MAFB: variants seen among roughly 807,000 people sequenced by gnomAD.
MAFB encodes transcription factor MafB.
Under a neutral mutation model 17.7 loss-of-function variants are expected in MAFB, and 3 were observed. The ratio of observed to expected loss-of-function variants is 0.17; its 90% confidence interval spans 0.08 to 0.44. MAFB has a LOEUF of 0.44. Among genes scored for constraint, MAFB ranks in the 20% least tolerant of loss-of-function variants. MAFB has a pLI of 0.99. For missense variants in MAFB, 355 were observed against 461.3 expected, an observed-to-expected ratio of 0.77 and a Z score of 2.11; for synonymous variants, 214 against 211.5, an observed-to-expected ratio of 1.01 and a Z score of -0.10.
Position 40,687,972 on chromosome 20 carries a change from G to A in MAFB, c.879C>T (p.Ala293=). The part of the protein sequence containing the change: ...EVSRLARERD[A]YKVKCEKLAN... Reference sequence around the variant, plus strand: ...CGAGTTTCTCGCACTTGACCTTGTAGGCGTCTCTCTCGCGGGCCAGCCGGG... The same window carrying A: ...CGAGTTTCTCGCACTTGACCTTGTAAGCGTCTCTCTCGCGGGCCAGCCGGG... The change falls in exon 1 of 1, where the codon GCC becomes GCT. Residue 293 remains alanine, a synonymous_variant. Coordinates refer to ENST00000373313, the MANE Select transcript of MAFB (RefSeq NM_005461.5). 6.2e-7 allele frequency: 1 copy of A among 1,614,100 alleles called. No individual in the cohort carries two copies.
In MAFB at chr20:40,688,885, G is replaced by A. The variant is rs1302621194; in HGVS notation, c.-35C>T. ...GAGGCGCAGCCGCCGCTGCCGCCCG[G>A]GAAACTTTGCGGCCGGCCGGAGCGC... is the stretch of plus-strand genomic sequence containing the variant. On this transcript the variant is annotated 5_prime_UTR_variant, in exon 1 of 1. Transcript: ENST00000373313. 1.6e-5 allele frequency: 25 copies of A among 1,566,018 alleles called. No individual in the cohort carries two copies. Among genetic ancestry groups the A allele is most frequent in the Non-Finnish European group, 2.2e-5 (25 of 1,159,414 alleles).
rs1427870463 is a variant in MAFB at position 40,685,909 on chromosome 20, C to T, written c.*1970G>A. 1 of 183,096 alleles carries T rather than the reference C, an allele frequency of 5.5e-6. No homozygotes were observed. Among genetic ancestry groups the T allele is most frequent in the Non-Finnish European group, 1.2e-5 (1 of 85,872 alleles). 11.3% of individuals were successfully genotyped at this position (183,096 alleles called of 1,614,324 possible). On this transcript the variant is annotated 3_prime_UTR_variant, in exon 1 of 1. Transcript: ENST00000373313. ...GCAAAATAGGAAACCATTTTAATAA[C>T]CAAAAAACAGAAACCAGTCTGAATA...
chr20:40,687,620 C>T lies in MAFB; in HGVS notation c.*259G>A. 1 of 581,594 alleles carries T rather than the reference C, an allele frequency of 1.7e-6. No homozygotes were observed. The highest frequency in any genetic ancestry group is 2.8e-5 in the East Asian group (1 of 35,414). 36.0% of individuals were successfully genotyped at this position (581,594 alleles called of 1,614,324 possible). ...AGAAGTTACTCCGGGACCTCCCACC[C>T]TCTCGTCTCTCTCTCCGGCTCTGCT... On this transcript the variant is annotated 3_prime_UTR_variant, in exon 1 of 1. Coordinates refer to ENST00000373313, the MANE Select transcript of MAFB (RefSeq NM_005461.5).
At position 40,688,479 on chromosome 20, in the gene MAFB, G is replaced by T; in HGVS notation, c.372C>A (p.Phe124Leu). 1.2e-6 allele frequency: 2 copies of T among 1,610,156 alleles called. No homozygotes were observed. Among genetic ancestry groups the T allele is most frequent in the Non-Finnish European group, 1.7e-6 (2 of 1,179,504 alleles). ...SHPVPQPLQS[F>L]DSFRGAHHHH... Reference sequence around the variant, plus strand: ...GGTGGTGAGCGCCGCGAAAGCTGTCGAAGCTTTGCAGCGGCTGTGGCACTG... The same window carrying T: ...GGTGGTGAGCGCCGCGAAAGCTGTCTAAGCTTTGCAGCGGCTGTGGCACTG... Residue 124 changes from phenylalanine (F) to leucine (L), a missense_variant, in exon 1 of 1, where the codon TTC becomes TTA. Phe to Leu is a conservative substitution (Grantham distance 22, BLOSUM62 0). This residue lies in a region of MAFB where 285 missense variants were observed against 350.0 expected (regional missense o/e 0.81). Transcript: ENST00000373313.
Position 40,686,365 on chromosome 20 carries a change from G to A in MAFB, c.*1514C>T, listed in dbSNP as rs949527199. The A allele has an allele frequency of 3.8e-6, 1 of 265,492 alleles. No homozygotes were observed. Among genetic ancestry groups the A allele is most frequent in the African/African-American group, 2.2e-5 (1 of 46,358 alleles). The allele number at this position is 265,492 out of a possible 1,614,324, so 16.4% of individuals were successfully genotyped here. A position where few individuals can be genotyped will look rare whatever the true frequency, so the allele number is the denominator to read the frequency against. On this transcript the variant is annotated 3_prime_UTR_variant, in exon 1 of 1. Transcript: ENST00000373313. ...TACAACTGAAGAATTGAAGGGGGGG[G>A]ACACCACCAAGAACTCTTCCTACTA...
chr20:40,688,896 G>C lies in MAFB; in HGVS notation c.-46C>G. 3 of 1,549,214 alleles carry C rather than the reference G, an allele frequency of 1.9e-6. No individual in the cohort carries two copies. The highest frequency in any genetic ancestry group is 1.8e-4 in the Middle Eastern group (1 of 5,616). On this transcript the variant is annotated 5_prime_UTR_variant, in exon 1 of 1. Coordinates refer to ENST00000373313, the MANE Select transcript of MAFB (RefSeq NM_005461.5). Reference sequence around the variant, plus strand: ...GCCGCTGCCGCCCGGGAAACTTTGCGGCCGGCCGGAGCGCGCCGAGCCAAG... The same window carrying C: ...GCCGCTGCCGCCCGGGAAACTTTGCCGCCGGCCGGAGCGCGCCGAGCCAAG...
Position 40,688,395 on chromosome 20 carries a change from G to C in MAFB, c.456C>G (p.His152Gln). ...GGTGAGCGTGCGGGCCCAGCTCGTC[G>C]TGGGCCACGCCGGCGCCCGGGTACG... The part of the protein sequence containing the change: ...HHAYPGAGVA[H>Q]DELGPHAHPH... Residue 152 changes from histidine (H) to glutamine (Q), a missense_variant, in exon 1 of 1, where the codon CAC (histidine) becomes CAG (glutamine). His to Gln is a conservative substitution (Grantham distance 24, BLOSUM62 0). This residue lies in a region of MAFB where 285 missense variants were observed against 350.0 expected (regional missense o/e 0.81). Coordinates refer to ENST00000373313, the MANE Select transcript of MAFB (RefSeq NM_005461.5). 6.4e-7 allele frequency: 1 copy of C among 1,569,502 alleles called. No individual in the cohort carries two copies. Among genetic ancestry groups the C allele is most frequent in the Non-Finnish European group, 8.6e-7 (1 of 1,163,582 alleles).
rs1168582288 is a variant in MAFB at position 40,686,497 on chromosome 20, A to G, written c.*1382T>C. 7.6e-6 allele frequency: 3 copies of G among 392,322 alleles called. No individual in the cohort carries two copies. The highest frequency in any genetic ancestry group is 6.2e-5 in the African/African-American group (3 of 48,548). 24.3% of individuals were successfully genotyped at this position (392,322 alleles called of 1,614,324 possible). On this transcript the variant is annotated 3_prime_UTR_variant, in exon 1 of 1. Coordinates refer to ENST00000373313, the MANE Select transcript of MAFB (RefSeq NM_005461.5). ...GTTTCTGGTACATTCTGAGCATAGC[A>G]GTTGGTTCAGTGCAGTGTCTGCTTA...
Position 40,688,290 on chromosome 20 carries a change from G to T in MAFB, c.561C>A (p.His187Gln), listed in dbSNP as rs760220738. 2 of 1,537,838 alleles carry T rather than the reference G, an allele frequency of 1.3e-6. No homozygotes were observed. Among genetic ancestry groups the T allele is most frequent in the Admixed American group, 2.0e-5 (1 of 49,690 alleles). Residue 187 changes from histidine (H) to glutamine (Q), a missense_variant, in exon 1 of 1, where the codon CAC becomes CAA. Coordinates refer to ENST00000373313, the MANE Select transcript of MAFB (RefSeq NM_005461.5). ...CCGTCGCGTGCGGCCCGGGCCCGGG[G>T]TGGCTAGTGGGCAGCTGTTGCGCCG... Reference protein sequence around the residue: ...ASPAQQLPTSHPGPGPHATAS... With the variant: ...ASPAQQLPTSQPGPGPHATAS...
chr20:40,689,212 G>T lies in MAFB; in HGVS notation c.-362C>A. The T allele has an allele frequency of 3.4e-6, 1 of 292,936 alleles. No homozygotes were observed. The highest frequency in any genetic ancestry group is 6.4e-6 in the Non-Finnish European group (1 of 156,004). 18.1% of individuals were successfully genotyped at this position (292,936 alleles called of 1,614,324 possible). ...CTCTTACGCTCTCTCGCTCGCAGCC[G>T]CTCGCAGCTCGGCGGTGCAGCTGTG... On this transcript the variant is annotated 5_prime_UTR_variant, in exon 1 of 1. Coordinates refer to ENST00000373313, the MANE Select transcript of MAFB (RefSeq NM_005461.5).
Position 40,686,641 on chromosome 20 carries a change from T to TA in MAFB, c.*1237dup, listed in dbSNP as rs1411998225. On this transcript the variant is annotated 3_prime_UTR_variant, in exon 1 of 1. Coordinates refer to ENST00000373313, the MANE Select transcript of MAFB (RefSeq NM_005461.5). ...GACCTCAGGGTGATTCTGGTTACAATAAAAAGCAGAGGGGAGGATCTGTTT... is the reference window on the plus strand; with the variant it reads ...GACCTCAGGGTGATTCTGGTTACAATAAAAAAGCAGAGGGGAGGATCTGTTT... 1 of 398,174 alleles carries TA rather than the reference T, an allele frequency of 2.5e-6. No homozygotes were observed. Among genetic ancestry groups the TA allele is most frequent in the African/African-American group, 2.1e-5 (1 of 48,634 alleles). The allele number at this position is 398,174 out of a possible 1,614,324, so 24.7% of individuals were successfully genotyped here. A position where few individuals can be genotyped will look rare whatever the true frequency, so the allele number is the denominator to read the frequency against.
rs1328189584 is a variant in MAFB, at chr20:40,687,870, G to A, written c.*9C>T. On this transcript the variant is annotated 3_prime_UTR_variant, in exon 1 of 1. Transcript: ENST00000373313. ...CGGGGCAAGGGCGGGGGCCAGGACC[G>A]GCCACGACTCACAGAAAGAACTCGG... 5.6e-6 allele frequency: 9 copies of A among 1,607,126 alleles called. No individual in the cohort carries two copies. The highest frequency in any genetic ancestry group is 1.7e-5 in the Admixed American group (1 of 60,004).
chr20:40,686,128 G>T lies in MAFB; in HGVS notation c.*1751C>A. 5.0e-6 allele frequency: 1 copy of T among 201,576 alleles called. No homozygotes were observed. The highest frequency in any genetic ancestry group is 1.0e-5 in the Non-Finnish European group (1 of 97,802). 12.5% of individuals were successfully genotyped at this position (201,576 alleles called of 1,614,324 possible). A position where few individuals can be genotyped will look rare whatever the true frequency, so the allele number is the denominator to read the frequency against. On this transcript the variant is annotated 3_prime_UTR_variant, in exon 1 of 1. Transcript: ENST00000373313. ...ATATTTAAAACTGCAAGCACCATGCGGTTCATACAATCTTGTTATTACTGT... is the reference window on the plus strand; with the variant it reads ...ATATTTAAAACTGCAAGCACCATGCTGTTCATACAATCTTGTTATTACTGT...
In MAFB at chr20:40,687,523, C is replaced by T; in HGVS notation, c.*356G>A. The T allele has an allele frequency of 4.9e-6, 2 of 410,304 alleles. No homozygotes were observed. The highest frequency in any genetic ancestry group is 8.6e-6 in the Non-Finnish European group (2 of 232,254). The allele number at this position is 410,304 out of a possible 1,614,324, so 25.4% of individuals were successfully genotyped here. On this transcript the variant is annotated 3_prime_UTR_variant, in exon 1 of 1. Coordinates refer to ENST00000373313, the MANE Select transcript of MAFB (RefSeq NM_005461.5). ...CTGTCCCGGCTTAACGCGCAAAGTT[C>T]AGAAAGCCAGGAGTCTCCAGATGGC...
chr20:40,687,181 A>G lies in MAFB; in HGVS notation c.*698T>C. On this transcript the variant is annotated 3_prime_UTR_variant, in exon 1 of 1. Coordinates refer to ENST00000373313, the MANE Select transcript of MAFB (RefSeq NM_005461.5). ...ATGATCAACAACATGCTAAAGTTAA[A>G]CAAGAAAATGGTACAAAATAGAAAT... 2.5e-6 allele frequency: 1 copy of G among 399,090 alleles called. No individual in the cohort carries two copies. The highest frequency in any genetic ancestry group is 4.4e-6 in the Non-Finnish European group (1 of 226,098). The allele number at this position is 399,090 out of a possible 1,614,324, so 24.7% of individuals were successfully genotyped here.
Position 40,686,587 on chromosome 20 carries a change from A to G in MAFB, c.*1292T>C, listed in dbSNP as rs1214977525. On this transcript the variant is annotated 3_prime_UTR_variant, in exon 1 of 1. Coordinates refer to ENST00000373313, the MANE Select transcript of MAFB (RefSeq NM_005461.5). ...CCCTAGGAGCGCTGTGGCTCCTACA[A>G]TTAGCGCAGGCCCAGAGGGTTCAGA... 2.5e-6 allele frequency: 1 copy of G among 397,516 alleles called. No homozygotes were observed. Among genetic ancestry groups the G allele is most frequent in the Non-Finnish European group, 4.4e-6 (1 of 225,982 alleles). 24.6% of individuals were successfully genotyped at this position (397,516 alleles called of 1,614,324 possible). A position where few individuals can be genotyped will look rare whatever the true frequency, so the allele number is the denominator to read the frequency against.
In MAFB at chr20:40,687,045, G is replaced by T. The variant is rs1986845838; in HGVS notation, c.*834C>A. On this transcript the variant is annotated 3_prime_UTR_variant, in exon 1 of 1. Transcript: ENST00000373313. ...GCTGCCACGTTCTCTATGCGGTTTG[G>T]CGGGGCGGGTATTTACAAGCCTACA... 3 of 398,734 alleles carry T rather than the reference G, an allele frequency of 7.5e-6. No individual in the cohort carries two copies. In the Admixed American group the frequency reaches 1.3e-4, roughly 18 times the overall value. The allele number at this position is 398,734 out of a possible 1,614,324, so 24.7% of individuals were successfully genotyped here.
In MAFB at chr20:40,688,299, G is replaced by T; in HGVS notation, c.552C>A (p.Pro184=). 1 of 1,529,028 alleles carries T rather than the reference G, an allele frequency of 6.5e-7. No individual in the cohort carries two copies. Among genetic ancestry groups the T allele is most frequent in the East Asian group, 2.3e-5 (1 of 42,780 alleles). The allele number at this position is 1,529,028 out of a possible 1,614,324, so 94.7% of individuals were successfully genotyped here. A position where few individuals can be genotyped will look rare whatever the true frequency, so the allele number is the denominator to read the frequency against. ...SSAASPAQQL[P]TSHPGPGPHA... ...GCGGCCCGGGCCCGGGGTGGCTAGT[G>T]GGCAGCTGTTGCGCCGGGCTAGCGG... The change falls in exon 1 of 1, where the codon CCC becomes CCA. Residue 184 remains proline, a synonymous_variant. Transcript: ENST00000373313.
At position 40,687,425 on chromosome 20, in the gene MAFB, G is replaced by A. The variant is rs959344187; in HGVS notation, c.*454C>T. ...CGCTCAGCCTCGCCTCTCGCCTGCC[G>A]GGACGCCAGAGTCCCTCTCCTTTCC... On this transcript the variant is annotated 3_prime_UTR_variant, in exon 1 of 1. Transcript: ENST00000373313. 5.3e-6 allele frequency: 2 copies of A among 377,174 alleles called. No homozygotes were observed. The highest frequency in any genetic ancestry group is 7.8e-5 in the East Asian group (2 of 25,730). 23.4% of individuals were successfully genotyped at this position (377,174 alleles called of 1,614,324 possible).
Sources: gnomAD v4.1 joint callset for allele counts on GRCh38, gnomAD v4.1.1 for gene constraint, gnomAD v4.1.1 regional missense constraint, MANE v1.5 for transcripts, NCBI Gene and HGNC (gene_info 2026-07-23, HGNC 2026-07-21) for gene names.